Variants in GIGYF2 observed in about 807,000 individuals in gnomAD.
The protein encoded by GIGYF2 is GRB10 interacting GYF protein 2.
In GIGYF2, 25 loss-of-function variants were observed where a neutral mutation model predicts 208.1. That is an observed-to-expected ratio of 0.12 (90% CI 0.09 to 0.17). The LOEUF (loss-of-function observed/expected upper bound fraction) is 0.17, where lower values mean the gene tolerates loss of function less well. Ranked by LOEUF, GIGYF2 falls within the 10% of genes least tolerant of loss-of-function variation. GIGYF2 has a pLI of 1.00. For synonymous variants in GIGYF2, 534 were observed against 543.8 expected, an observed-to-expected ratio of 0.98 and a Z score of 0.25; for missense variants, 1,302 against 1,579.4, an observed-to-expected ratio of 0.82 and a Z score of 2.98.
chr2:232,841,072 G>GAA (rs563496153), intron 23 of GIGYF2, among the ~76,000 whole-genome samples: 13 of 114,402 alleles, frequency 1.1e-4, no homozygotes, highest in African/African-American at 3.4e-4. Context: ...CTTTATTTAA[G>GAA]AAAAAAAAAA....
At chr2:232,794,139 C>A (rs1574892213) in intron 12 of GIGYF2, among the ~76,000 whole-genome samples, 1 of 152,104 alleles carries the variant, frequency 6.6e-6, no homozygotes, top group Non-Finnish European at 1.5e-5. Context: ...TACTTCCATC[C>A]CCCTTTTCCT....
Position 232,766,735 on chromosome 2 carries a change from G to A in GIGYF2, c.532+5299G>A, listed in dbSNP as rs948082701. 4.6e-5 allele frequency: 7 copies of A among 152,198 alleles called. No individual in the cohort carries two copies. The East Asian group carries it at 1.3e-3, about 29-fold the overall frequency. 9.4% of individuals were successfully genotyped at this position (152,198 alleles called of 1,614,324 possible). Reference sequence around the variant, plus strand: ...ATTTTCTTTTCCTTTTGGTCAAATAGTAGAAAAATGTGACTTGCTGCTGAG... The same window carrying A: ...ATTTTCTTTTCCTTTTGGTCAAATAATAGAAAAATGTGACTTGCTGCTGAG... On this transcript the variant is annotated intron_variant, in intron 8 of 28. Coordinates refer to ENST00000373563, the MANE Select transcript of GIGYF2 (RefSeq NM_001103146.3).
Position 232,832,919 on chromosome 2 carries a change from C to A in GIGYF2, c.2592C>A (p.Asn864Lys), listed in dbSNP as rs868463045. ...AAGCCCAGCGTCGATTAGAGGAGAA[C>A]CGGCTGCGGATGGAAGAGGAGGCAG... ...EEEAQRRLEE[N>K]RLRMEEEAAR... Residue 864 changes from asparagine (N) to lysine (K), a missense_variant, in exon 22 of 29, where the codon AAC becomes AAA. Around this residue, in one of 8 missense-constraint regions of GIGYF2, gnomAD observed 701 missense variants for 793.0 expected, o/e 0.88. Transcript: ENST00000373563. 1 of 1,564,628 alleles carries A rather than the reference C, an allele frequency of 6.4e-7. No individual in the cohort carries two copies. The highest frequency in any genetic ancestry group is 1.9e-5 in the Admixed American group (1 of 52,836).
chr2:232,729,551 A>G (rs1697356477), intron 2 of GIGYF2: 15 of 1,387,974 alleles, frequency 1.1e-5, no homozygotes, highest in Admixed American at 2.1e-5. Flanking sequence ...AGCCACATCC[A>G]TGGACTGCAC....
At position 232,806,377 on chromosome 2, in the gene GIGYF2, T is replaced by TA. The variant is rs1700563305; in HGVS notation, c.1640-110dup. 1 of 794,782 alleles carries TA rather than the reference T, an allele frequency of 1.3e-6. No homozygotes were observed. The allele number at this position is 794,782 out of a possible 1,614,324, so 49.2% of individuals were successfully genotyped here. A position where few individuals can be genotyped will look rare whatever the true frequency, so the allele number is the denominator to read the frequency against. ...TAGAGGTGAATTAAATTAGATAGTA[T>TA]AAAACATTTTGACAGATGCCACCTC... On this transcript the variant is annotated intron_variant, in intron 14 of 28. Transcript: ENST00000373563. This position sits in a 1 kb window ranked among gnomAD's most constrained non-coding sequence, Gnocchi z 4.0.
chr2:232,787,809 A>G (rs1426596470), intron 9 of GIGYF2, among the ~76,000 whole-genome samples: 1 of 152,252 alleles, frequency 6.6e-6, no homozygotes, highest in Non-Finnish European at 1.5e-5. Context: ...CCTAGGTCAG[A>G]AACATAATCA....
intron 2 of GIGYF2, among the ~76,000 whole-genome samples, chr2:232,731,564 ATC>A (rs1697498303): frequency 6.6e-6 from 1 of 152,214 alleles, no homozygotes; most frequent in Admixed American, 6.5e-5. Context: ...TAGTCTCTTC[ATC>A]TCTGTTTGTC....
intron 8 of GIGYF2, chr2:232,766,463 G>A (rs979275786): frequency 1.3e-5 from 2 of 153,302 alleles, no homozygotes; most frequent in African/African-American, 4.8e-5. Flanking sequence ...AACATACCAT[G>A]TAAGTCTTCA....
chr2:232,795,822 G>C (rs1177903629), intron 13 of GIGYF2, among the ~76,000 whole-genome samples: 1 of 152,172 alleles, frequency 6.6e-6, no homozygotes, highest in East Asian at 1.9e-4. Flanking sequence ...TAGTTGATTT[G>C]ATTAGTAATT....
chr2:232,737,939 G>A (rs1418571477), intron 3 of GIGYF2, among the ~76,000 whole-genome samples: 1 of 126,106 alleles, frequency 7.9e-6, no homozygotes, highest in Non-Finnish European at 1.6e-5. Flanking sequence ...TTGAGATGGA[G>A]TCAGCCTCGC....
At chr2:232,855,375 G>T (rs1306908343) in intron 28 of GIGYF2, among the ~76,000 whole-genome samples, 1 of 152,144 alleles carries the variant, frequency 6.6e-6, no homozygotes, top group Admixed American at 6.5e-5. Flanking sequence ...TAGGTTTTCA[G>T]CTGTCAGTTG....
At chr2:232,718,831 G>A (rs940320231) in intron 2 of GIGYF2, among the ~76,000 whole-genome samples, 8 of 152,134 alleles carry the variant, frequency 5.3e-5, no homozygotes, top group African/African-American at 1.9e-4. Flanking sequence ...TTGGAAAAAC[G>A]TAGGTAGGCA....
At chr2:232,786,081 A>G (rs1175625632) in intron 8 of GIGYF2, among the ~76,000 whole-genome samples, 2 of 152,224 alleles carry the variant, frequency 1.3e-5, no homozygotes, top group Non-Finnish European at 2.9e-5. Context: ...CTTTTAAAAT[A>G]CCAGTTTAGT....
At chr2:232,755,484 A>C (rs1000427661) in intron 5 of GIGYF2, among the ~76,000 whole-genome samples, 1 of 152,104 alleles carries the variant, frequency 6.6e-6, no homozygotes, top group Non-Finnish European at 1.5e-5. Context: ...CTTGACTCTT[A>C]AGCCTAAGGT....
chr2:232,843,879 T>A (rs1574948164), intron 23 of GIGYF2, 167 bp from the exon 24 acceptor site: 2 of 676,758 alleles, frequency 3.0e-6, no homozygotes, highest in Non-Finnish European at 5.3e-6. Flanking sequence ...ATTCTCCTTT[T>A]TAATACTGTT....
At chr2:232,815,896 C>T in intron 19 of GIGYF2, 159 bp downstream of exon 19, 1 of 602,700 alleles carries the variant, frequency 1.7e-6, no homozygotes, top group East Asian at 2.8e-5. Flanking sequence ...ACTGTGCTCT[C>T]TTCTCCCAAA....
At chr2:232,765,374 G>A (rs540356208) in intron 8 of GIGYF2, 1 of 152,850 alleles carries the variant, frequency 6.5e-6, no homozygotes, top group East Asian at 1.9e-4. Context: ...TTCAAGTACT[G>A]AAGATTCCAG....
intron 18 of GIGYF2, among the ~76,000 whole-genome samples, chr2:232,814,729 A>G (rs1700859178): frequency 6.6e-6 from 1 of 152,204 alleles, no homozygotes. Context: ...TCTGGTCCCA[A>G]GCATTTTGGA....
chr2:232,791,805 C>G (rs1700077101), intron 12 of GIGYF2, among the ~76,000 whole-genome samples: 1 of 152,124 alleles, frequency 6.6e-6, no homozygotes, highest in East Asian at 1.9e-4. Context: ...ATGTGCCCAG[C>G]TTAAATTACC....
Sources: allele counts gnomAD v4.1 joint callset (sites outside exome capture counted in the v4.1 genomes callset), GRCh38; gene constraint gnomAD v4.1.1; regional missense constraint gnomAD v4.1.1; non-coding constraint Gnocchi (gnomAD v3.1); transcripts MANE v1.5; gene names NCBI Gene and HGNC (gene_info 2026-07-23, HGNC 2026-07-21).